Variants in CSMD1 observed in about 807,000 individuals in gnomAD.
CSMD1 encodes CUB and Sushi multiple domains 1.
CSMD1 carries 213 observed loss-of-function variants against 417.5 expected under a neutral mutation model. The ratio of observed to expected loss-of-function variants is 0.51; its 90% confidence interval spans 0.46 to 0.57. CSMD1 has a LOEUF of 0.57. CSMD1 is among the 20% of genes least tolerant of loss of function. The probability of loss-of-function intolerance (pLI) is 0.00; values close to 1 mark genes in which losing one functional copy is unlikely to be tolerated. For missense variants in CSMD1, 6,923 were observed against 4,529.7 expected (o/e 1.53, Z -15.17); for synonymous variants, 2,862 against 1,736.8 (o/e 1.65, Z -16.11).
At chr8:3,971,334 T>A (rs2130082776) in intron 5 of CSMD1, among the ~76,000 whole-genome samples, 1 of 152,286 alleles carries the variant, frequency 6.6e-6, no homozygotes, top group Admixed American at 6.5e-5. Flanking sequence ...AGCTGCCGGT[T>A]CACATGTGTT....
At chr8:4,675,282 G>A (rs935220352) in intron 1 of CSMD1, among the ~76,000 whole-genome samples, 13 of 152,250 alleles carry the variant, frequency 8.5e-5, no homozygotes, top group African/African-American at 2.9e-4. Flanking sequence ...CTCTGAAGGG[G>A]CATTGTTGGA....
At chr8:3,669,872 T>G (rs1798898893) in intron 7 of CSMD1, among the ~76,000 whole-genome samples, 1 of 152,150 alleles carries the variant, frequency 6.6e-6, no homozygotes, top group Non-Finnish European at 1.5e-5. Context: ...GCCCAGGTGA[T>G]GATCAAGCAC....
Position 3,307,748 on chromosome 8 carries a change from G to T in CSMD1, c.3897C>A (p.Asp1299Glu). ...TAATCCAGGTGCAGTGGAGGTTGTT[G>T]TCATACGGAGCTGGATAGCCAGGGG... The part of the protein sequence containing the change: ...ILSPGYPAPY[D>E]NNLHCTWIIE... Residue 1299 changes from aspartate to glutamate, a missense_variant, in exon 25 of 70, where the codon GAC (aspartate) becomes GAA (glutamate). Physicochemically the swap from Asp to Glu is conservative, Grantham distance 45. Transcript: ENST00000635120. 1 of 1,613,732 alleles carries T rather than the reference G, an allele frequency of 6.2e-7. No homozygotes were observed. Among genetic ancestry groups the T allele is most frequent in the Non-Finnish European group, 8.5e-7 (1 of 1,179,724 alleles).
intron 19 of CSMD1, among the ~76,000 whole-genome samples, chr8:3,368,823 G>C (rs758967135): frequency 2.0e-5 from 3 of 152,130 alleles, no homozygotes; most frequent in Non-Finnish European, 2.9e-5. Context: ...ATTATGTGAA[G>C]ATAAATTATT....
intron 3 of CSMD1, among the ~76,000 whole-genome samples, chr8:4,125,628 A>T (rs1247728051): frequency 1.3e-5 from 2 of 152,230 alleles, no homozygotes; most frequent in Non-Finnish European, 1.5e-5. Context: ...TGTCAGTGAC[A>T]GAAATCAGAC....
At chr8:3,414,439 C>T (rs1447931647) in intron 12 of CSMD1, among the ~76,000 whole-genome samples, 1 of 152,094 alleles carries the variant, frequency 6.6e-6, no homozygotes, top group African/African-American at 2.4e-5. Flanking sequence ...CCCAAACATG[C>T]CATGTTGTGC....
chr8:4,212,492 G>T (rs190601904), intron 3 of CSMD1, among the ~76,000 whole-genome samples: 1 of 151,860 alleles, frequency 6.6e-6, no homozygotes, highest in Non-Finnish European at 1.5e-5. Flanking sequence ...AGATGGAAGC[G>T]ATCCTAAAGC....
chr8:4,537,215 A>T (rs1385940351), intron 2 of CSMD1, among the ~76,000 whole-genome samples: 1 of 152,226 alleles, frequency 6.6e-6, no homozygotes, highest in Non-Finnish European at 1.5e-5. Flanking sequence ...AATATAATTT[A>T]AAATATTTGA....
chr8:4,563,042 G>C (rs1339062253), intron 2 of CSMD1, among the ~76,000 whole-genome samples: 1 of 152,096 alleles, frequency 6.6e-6, no homozygotes, highest in Non-Finnish European at 1.5e-5. Context: ...TGTTTTATTT[G>C]TATTAACCAA....
chr8:4,022,085 C>T (rs1008555501), intron 4 of CSMD1, among the ~76,000 whole-genome samples: 2 of 113,518 alleles, frequency 1.8e-5, no homozygotes, highest in Non-Finnish European at 3.9e-5. Context: ...GAGCATGTAT[C>T]CACACACACA....
chr8:3,826,402 T>C (rs984118003), intron 5 of CSMD1, among the ~76,000 whole-genome samples: 1 of 152,166 alleles, frequency 6.6e-6, no homozygotes, highest in Non-Finnish European at 1.5e-5. Context: ...CAACTGATCA[T>C]GAGACACGAG....
chr8:3,021,425 C>A (rs1286432730), intron 51 of CSMD1, among the ~76,000 whole-genome samples: 1 of 152,214 alleles, frequency 6.6e-6, no homozygotes, highest in Non-Finnish European at 1.5e-5. Flanking sequence ...CCCCTCACTA[C>A]TAAAAATAGG....
At chr8:3,671,958 A>G (rs993451851) in intron 7 of CSMD1, among the ~76,000 whole-genome samples, 13 of 152,252 alleles carry the variant, frequency 8.5e-5, no homozygotes, top group African/African-American at 3.1e-4. Flanking sequence ...TCGACCACAC[A>G]TTTTTAGTTT....
At chr8:4,568,149 T>TA (rs1463243446) in intron 2 of CSMD1, among the ~76,000 whole-genome samples, 3 of 152,142 alleles carry the variant, frequency 2.0e-5, no homozygotes, top group Non-Finnish European at 2.9e-5. Context: ...TGTGTCTTTT[T>TA]AAAAAAATAT....
chr8:3,246,879 G>A (rs1418419783), intron 26 of CSMD1, among the ~76,000 whole-genome samples: 1 of 152,104 alleles, frequency 6.6e-6, no homozygotes, highest in Non-Finnish European at 1.5e-5. Context: ...AAAAATTTTT[G>A]GAATTAGAGT....
intron 1 of CSMD1, among the ~76,000 whole-genome samples, chr8:4,940,484 C>T (rs1022904142): frequency 2.0e-5 from 3 of 151,984 alleles, no homozygotes; most frequent in African/African-American, 7.3e-5. Context: ...GGTCTGTGTC[C>T]CCACTTTGTT....
chr8:3,701,252 T>C (rs113088673), intron 7 of CSMD1, among the ~76,000 whole-genome samples: 11 of 152,262 alleles, frequency 7.2e-5, no homozygotes, highest in African/African-American at 2.4e-4. Context: ...CATTCTGGAA[T>C]TGGATCATCT....
At chr8:3,588,694 C>A (rs117540843) in intron 8 of CSMD1, among the ~76,000 whole-genome samples, 11 of 152,074 alleles carry the variant, frequency 7.2e-5, no homozygotes, top group Admixed American at 2.0e-4. Context: ...CCTAAACCCC[C>A]AAAGCGCAGA....
intron 18 of CSMD1, among the ~76,000 whole-genome samples, chr8:3,372,156 G>A (rs913506768): frequency 6.6e-6 from 1 of 152,130 alleles, no homozygotes; most frequent in African/African-American, 2.4e-5. Context: ...GGTGGCCAGC[G>A]GTGCCGTACT....
Sources: allele counts gnomAD v4.1 joint callset (sites outside exome capture counted in the v4.1 genomes callset), GRCh38; gene constraint gnomAD v4.1.1; transcripts MANE v1.5; gene names NCBI Gene and HGNC (gene_info 2026-07-23, HGNC 2026-07-21).